LRRC37A2: variants seen among roughly 807,000 people sequenced by gnomAD.
The protein encoded by LRRC37A2 is leucine rich repeat containing 37 member A2, also known as leucine-rich repeat-containing protein 37A2.
In LRRC37A2, 9 loss-of-function variants were observed where a neutral mutation model predicts 68.8. The observed-to-expected ratio is 0.13, with a 90% confidence interval of 0.08 to 0.23. The LOEUF is 0.23. Ranked by LOEUF, LRRC37A2 falls within the 10% of genes least tolerant of loss-of-function variation. LRRC37A2 has a pLI of 1.00. For synonymous variants in LRRC37A2, 63 were observed against 367.6 expected (o/e 0.17, Z 9.48); for missense variants, 168 against 950.4 (o/e 0.18, Z 10.82).
the LRRC37A2 span, among the ~76,000 whole-genome samples, chr17:47,014,794 A>G: frequency 2.6e-5 from 4 of 152,030 alleles, no homozygotes; most frequent in South Asian, 4.2e-4. Context: ...TACAGCTTTC[A>G]AAAACTATAA....
the LRRC37A2 span, among the ~76,000 whole-genome samples, chr17:46,811,548 A>G: frequency 5.3e-5 from 8 of 152,128 alleles, no homozygotes; most frequent in Non-Finnish European, 8.8e-5. Context: ...TCCAGCCCCC[A>G]TGGCCCACTG....
At chr17:46,839,305 C>T in the LRRC37A2 span, among the ~76,000 whole-genome samples, 1 of 152,250 alleles carries the variant, frequency 6.6e-6, no homozygotes, top group Non-Finnish European at 1.5e-5. Context: ...TACACTCTGT[C>T]CTTGTGGCCA....
the LRRC37A2 span, among the ~76,000 whole-genome samples, chr17:46,912,430 C>T: frequency 6.6e-6 from 1 of 152,222 alleles, no homozygotes; most frequent in Non-Finnish European, 1.5e-5. Context: ...ATAAGTGGGG[C>T]TTTCCAGCCC....
chr17:46,720,586 G>T, the LRRC37A2 span, among the ~76,000 whole-genome samples: 1 of 152,158 alleles, frequency 6.6e-6, no homozygotes, highest in Middle Eastern at 3.2e-3. Flanking sequence ...TTAGAAACGA[G>T]ATTATTACTG....
the LRRC37A2 span, among the ~76,000 whole-genome samples, chr17:46,731,357 T>G: frequency 6.6e-6 from 1 of 151,852 alleles, no homozygotes; most frequent in Non-Finnish European, 1.5e-5. Flanking sequence ...AGTGAGAGGG[T>G]CACTGCTAAT....
the LRRC37A2 span, among the ~76,000 whole-genome samples, chr17:46,834,022 C>T: frequency 1.3e-5 from 2 of 151,690 alleles, no homozygotes; most frequent in Non-Finnish European, 2.9e-5. Context: ...ATAGTGAGAC[C>T]CTGTCTCTGC....
chr17:46,742,200 G>A, the LRRC37A2 span, among the ~76,000 whole-genome samples: 3 of 152,150 alleles, frequency 2.0e-5, no homozygotes, highest in Admixed American at 6.5e-5. Context: ...CATACATGCC[G>A]TTCATTCTAG....
the LRRC37A2 span, among the ~76,000 whole-genome samples, chr17:46,861,609 C>T: frequency 6.6e-6 from 1 of 152,214 alleles, no homozygotes; most frequent in African/African-American, 2.4e-5. Flanking sequence ...ACACCCACCA[C>T]CTCATGGCAT....
the LRRC37A2 span, among the ~76,000 whole-genome samples, chr17:46,969,205 T>G: frequency 1.6e-4 from 24 of 152,338 alleles, no homozygotes; most frequent in Non-Finnish European, 3.1e-4. Context: ...TTCCAGAGCC[T>G]TCTTATGGTC....
At chr17:46,755,677 A>G in the LRRC37A2 span, 8 of 1,070,178 alleles carry the variant, frequency 7.5e-6, no homozygotes, top group African/African-American at 3.2e-5. Context: ...CTAATAGCAA[A>G]TGCATAGTGG....
At chr17:46,963,681 C>T in the LRRC37A2 span, 1 of 152,232 alleles carries the variant, frequency 6.6e-6, no homozygotes, top group Non-Finnish European at 1.5e-5. Flanking sequence ...TGCTCACTGC[C>T]TGTCTTTTCT....
chr17:46,408,418 G>GTT, the LRRC37A2 span, among the ~76,000 whole-genome samples: 2 of 29,840 alleles, frequency 6.7e-5, no homozygotes, highest in Non-Finnish European at 7.1e-4. Context: ...TGAGAGGACT[G>GTT]TTTTTTTTTT....
At chr17:46,904,272 G>C in the LRRC37A2 span, among the ~76,000 whole-genome samples, 2 of 147,004 alleles carry the variant, frequency 1.4e-5, no homozygotes, top group Non-Finnish European at 3.0e-5. Flanking sequence ...GGATGGATGG[G>C]TGGATGAATG....
chr17:46,631,060 G>A, the LRRC37A2 span, among the ~76,000 whole-genome samples: 1 of 47,600 alleles, frequency 2.1e-5, no homozygotes, highest in East Asian at 1.0e-3. Context: ...GTCTCTCTCT[G>A]TACACACACA....
chr17:46,896,446 G>GAA, the LRRC37A2 span, among the ~76,000 whole-genome samples: 3,276 of 85,182 alleles, frequency 0.038, 49 homozygotes, highest in African/African-American at 0.11. Flanking sequence ...AAGAAAGAAA[G>GAA]AAAGAAAAAG....
At chr17:46,936,725 G>C in the LRRC37A2 span, 1 of 984,910 alleles carries the variant, frequency 1.0e-6, no homozygotes, top group Non-Finnish European at 1.2e-6. Context: ...TAATCTGTGT[G>C]TTCAGAGCCA....
the LRRC37A2 span, among the ~76,000 whole-genome samples, chr17:46,388,418 C>G: frequency 1.3e-4 from 9 of 67,108 alleles, no homozygotes. Flanking sequence ...AAAAATTAGC[C>G]GGGTGTGGTG....
At chr17:46,734,714 C>CAT in the LRRC37A2 span, among the ~76,000 whole-genome samples, 2 of 151,914 alleles carry the variant, frequency 1.3e-5, no homozygotes, top group African/African-American at 2.4e-5. Context: ...TATTAAAGAA[C>CAT]ATATATATAT....
intron 8 of LRRC37A2, among the ~76,000 whole-genome samples, chr17:46,542,588 G>C (rs1398928031): frequency 1.3e-5 from 2 of 149,750 alleles, no homozygotes; most frequent in East Asian, 2.0e-4. Context: ...CCAGCTACTA[G>C]GGAACCTGAG....
Sources: gnomAD v4.1 joint callset for allele counts (sites outside exome capture counted in the v4.1 genomes callset) on GRCh38, gnomAD v4.1.1 for gene constraint, MANE v1.5 for transcripts, NCBI Gene and HGNC (gene_info 2026-07-23, HGNC 2026-07-21) for gene names.